Variants in VWA8 observed in about 807,000 individuals in gnomAD.
The protein encoded by VWA8 is von Willebrand factor A domain-containing protein 8.
VWA8 carries 221 observed loss-of-function variants against 241.5 expected under a neutral mutation model. The observed-to-expected ratio is 0.91, with a 90% CI of 0.82 to 1.02. The LOEUF (loss-of-function observed/expected upper bound fraction) is 1.02, where lower values mean the gene tolerates loss of function less well. Among genes scored for constraint, VWA8 ranks in the 50% least tolerant of loss-of-function variants. VWA8 has a pLI of 0.00. For missense variants in VWA8, 2,322 were observed against 2,328.7 expected (o/e 1.00, Z 0.06); for synonymous variants, 852 against 827.1 (o/e 1.03, Z -0.52).
At chr13:41,741,912 G>T (rs1436213641) in intron 21 of VWA8, among the ~76,000 whole-genome samples, 1 of 152,154 alleles carries the variant, frequency 6.6e-6, no homozygotes, top group African/African-American at 2.4e-5. Context: ...CAGAAGAGAA[G>T]GCAATTAATC....
chr13:41,909,157 A>C (rs1875875497), intron 3 of VWA8, among the ~76,000 whole-genome samples: 1 of 151,856 alleles, frequency 6.6e-6, no homozygotes, highest in African/African-American at 2.4e-5. Context: ...GGTTCAAGCA[A>C]TTCTTGTGCC....
At chr13:41,604,658 G>A (rs747165149) in intron 40 of VWA8, among the ~76,000 whole-genome samples, 3 of 152,054 alleles carry the variant, frequency 2.0e-5, no homozygotes, top group African/African-American at 4.8e-5. Context: ...GGAGAAACAG[G>A]GCACAGCTTG....
At chr13:41,865,635 TA>T (rs1400704035) in intron 12 of VWA8, 100 bp downstream of exon 12, 4 of 1,326,158 alleles carry the variant, frequency 3.0e-6, no homozygotes, top group African/African-American at 1.5e-5. Context: ...TTTACCTATA[TA>T]AAAAAACACA....
intron 40 of VWA8, among the ~76,000 whole-genome samples, chr13:41,594,532 C>T (rs774012683): frequency 1.3e-5 from 2 of 151,890 alleles, no homozygotes; most frequent in African/African-American, 2.4e-5. Flanking sequence ...TTCTACTGTC[C>T]TCTTTATTTT....
intron 8 of VWA8, 62 bp downstream of exon 8, chr13:41,885,858 T>C: frequency 1.7e-6 from 2 of 1,178,094 alleles, no homozygotes; most frequent in Non-Finnish European, 2.4e-6. Flanking sequence ...TAATCCCTAA[T>C]GATTAACTTT....
chr13:41,721,535 G>T lies in VWA8; in HGVS notation c.2799C>A (p.Pro933=). 1 of 1,613,688 alleles carries T rather than the reference G, an allele frequency of 6.2e-7. No homozygotes were observed. Among genetic ancestry groups the T allele is most frequent in the Non-Finnish European group, 8.5e-7 (1 of 1,179,788 alleles). Residue 933 remains proline (P), a synonymous_variant, in exon 25 of 45, where the codon CCC becomes CCA. Coordinates refer to ENST00000379310, the MANE Select transcript of VWA8 (RefSeq NM_015058.2). ...FSCHAVDNPK[P]HSELEMLRQY... ...GTCTGAGCATCTCGAGCTCCGAGTG[G>T]GGTTTGGGGTTATCAACTGCATGGC...
intron 9 of VWA8, among the ~76,000 whole-genome samples, chr13:41,873,537 C>G (rs973224123): frequency 6.6e-5 from 10 of 152,160 alleles, no homozygotes; most frequent in Non-Finnish European, 1.3e-4. Flanking sequence ...AAACTACCAT[C>G]AGAGAATGCT....
At chr13:41,688,756 A>C (rs2045154604) in intron 34 of VWA8, among the ~76,000 whole-genome samples, 2 of 152,130 alleles carry the variant, frequency 1.3e-5, no homozygotes, top group South Asian at 4.1e-4. Flanking sequence ...TGTTCTCACA[A>C]GTGGGAGCGA....
intron 21 of VWA8, among the ~76,000 whole-genome samples, chr13:41,753,227 T>C (rs1251709792): frequency 1.3e-5 from 2 of 152,008 alleles, no homozygotes; most frequent in Non-Finnish European, 2.9e-5. Context: ...ATTAGAAAAA[T>C]AACCAAGAGC....
chr13:41,774,721 A>G lies in VWA8; in HGVS notation c.2349+3264T>C, dbSNP rs564052765. ...ATATTCTAGAATATTACAGCCAGAAAGACCCTAGAAAATATCCATGCCAAG... is the reference window on the plus strand; with the variant it reads ...ATATTCTAGAATATTACAGCCAGAAGGACCCTAGAAAATATCCATGCCAAG... On this transcript the variant is annotated intron_variant, in intron 20 of 44. Transcript: ENST00000379310. Among the ~76,000 whole-genome samples the G allele has an allele frequency of 3.7e-4, 57 of 152,334 alleles. 1 individual carries two copies. In the South Asian group the frequency reaches 0.012, roughly 32 times the overall value.
In VWA8 at chr13:41,570,674, A is replaced by T. The variant is rs1177032146; in HGVS notation, c.5403T>A (p.Ser1801Arg). 17 of 1,614,102 alleles carry T rather than the reference A, an allele frequency of 1.1e-5. No individual in the cohort carries two copies. Among genetic ancestry groups the T allele is most frequent in the Admixed American group, 1.7e-5 (1 of 60,010 alleles). Residue 1801 changes from serine (S) to arginine (R), a missense_variant, in exon 44 of 45, where the codon AGT becomes AGA. Transcript: ENST00000379310. ...TMHAHSQFCM[S>R]GDHTLEGTEH... is the part of the protein sequence containing the mutation. ...CTGTCCCTTCTAACGTGTGGTCCCC[A>T]CTCATGCAGAACTGAGAGTGGGCAT...
chr13:41,779,666 T>C (rs1324740633), intron 19 of VWA8, among the ~76,000 whole-genome samples: 3 of 152,218 alleles, frequency 2.0e-5, no homozygotes, highest in Non-Finnish European at 4.4e-5. Flanking sequence ...CTCTTCCTTT[T>C]CACTAAGATG....
At chr13:41,573,508 CCT>C (rs1179617664) in intron 43 of VWA8, among the ~76,000 whole-genome samples, 38 of 121,922 alleles carry the variant, frequency 3.1e-4, no homozygotes, top group African/African-American at 1.1e-3. Flanking sequence ...TATATATATA[CCT>C]CTCTCTATAT....
intron 17 of VWA8, among the ~76,000 whole-genome samples, chr13:41,790,434 T>G (rs1721352620): frequency 6.6e-6 from 1 of 152,026 alleles, no homozygotes; most frequent in African/African-American, 2.4e-5. Flanking sequence ...ATATTTTATA[T>G]CCAAAGGGAA....
intron 21 of VWA8, among the ~76,000 whole-genome samples, chr13:41,740,478 C>A (rs527415782): frequency 6.6e-6 from 1 of 152,300 alleles, no homozygotes; most frequent in East Asian, 1.9e-4. Context: ...AGACGGCTAT[C>A]GCTGCAGAGC....
Position 41,675,106 on chromosome 13 carries a change from G to A in VWA8, c.4409+109C>T. 10 of 621,876 alleles carry A rather than the reference G, an allele frequency of 1.6e-5. 1 individual carries two copies. The highest frequency in any genetic ancestry group is 4.4e-4 in the Middle Eastern group (1 of 2,298). The allele number at this position is 621,876 out of a possible 1,614,324, so 38.5% of individuals were successfully genotyped here. A position where few individuals can be genotyped will look rare whatever the true frequency, so the allele number is the denominator to read the frequency against. On this transcript the variant is annotated intron_variant, in intron 36 of 44. Transcript: ENST00000379310. ...CCAACTGTAACTGGAAAAAAAAAGA[G>A]CTTGCTATTTAAAGAAGCAAAAAAG... is the stretch of plus-strand genomic sequence containing the variant.
chr13:41,841,198 T>G (rs914415103), intron 12 of VWA8, among the ~76,000 whole-genome samples: 2 of 152,176 alleles, frequency 1.3e-5, no homozygotes, highest in African/African-American at 2.4e-5. Context: ...TGGATTGGAT[T>G]AATGAACCCA....
rs528947727 is a variant in VWA8 at position 41,921,796 on chromosome 13, A to G, written c.242-9628T>C. On this transcript the variant is annotated intron_variant, in intron 2 of 44. Coordinates refer to ENST00000379310, the MANE Select transcript of VWA8 (RefSeq NM_015058.2). ...AACTAAATAAAAGAGGACACAAACA[A>G]ATGGAAGAACATTCCATGCTCATGG... Among the ~76,000 whole-genome samples the G allele has an allele frequency of 3.9e-4, 60 of 152,368 alleles. 1 individual carries two copies. The South Asian group carries it at 0.012, about 32-fold the overall frequency.
intron 39 of VWA8, among the ~76,000 whole-genome samples, chr13:41,607,534 A>T (rs550479785): frequency 6.6e-5 from 10 of 152,142 alleles, no homozygotes; most frequent in Admixed American, 3.3e-4. Context: ...CATGCCACCT[A>T]CCCCTTCATA....
Sources: gnomAD v4.1 joint callset for allele counts (sites outside exome capture counted in the v4.1 genomes callset) on GRCh38, gnomAD v4.1.1 for gene constraint, MANE v1.5 for transcripts, NCBI Gene and HGNC (gene_info 2026-07-23, HGNC 2026-07-21) for gene names.